Variants in MLIP observed in about 807,000 individuals in gnomAD.
MLIP encodes muscular LMNA-interacting protein.
A neutral mutation model predicts 84.8 loss-of-function variants in MLIP; 79 were observed. That is an observed-to-expected ratio of 0.93 (90% CI 0.78 to 1.12). MLIP has a LOEUF of 1.12. MLIP is among the 50% of genes most tolerant of loss of function. The probability of loss-of-function intolerance (pLI) is 0.00; values close to 1 mark genes in which losing one functional copy is unlikely to be tolerated. For synonymous variants in MLIP, 504 were observed against 463.0 expected, an observed-to-expected ratio of 1.09 and a Z score of -1.14; for missense variants, 1,257 against 1,160.6, an observed-to-expected ratio of 1.08 and a Z score of -1.21.
At chr6:54,144,497 T>C (rs1434960303) in intron 4 of MLIP, among the ~76,000 whole-genome samples, 1 of 152,220 alleles carries the variant, frequency 6.6e-6, no homozygotes, top group Admixed American at 6.5e-5. Flanking sequence ...ATGAAACTGT[T>C]CCACCTCAGA....
At chr6:54,248,532 A>T (rs1782240514) in intron 12 of MLIP, among the ~76,000 whole-genome samples, 1 of 152,178 alleles carries the variant, frequency 6.6e-6, no homozygotes, top group South Asian at 2.1e-4. Flanking sequence ...TAGATGAAAA[A>T]TGTAAGTCAA....
intron 5 of MLIP, among the ~76,000 whole-genome samples, chr6:54,160,098 T>C (rs1416361188): frequency 6.6e-6 from 1 of 151,980 alleles, no homozygotes; most frequent in Non-Finnish European, 1.5e-5. Flanking sequence ...ATTTAATAAA[T>C]GATGTTGAGA....
At chr6:54,230,970 C>T (rs551863115) in intron 12 of MLIP, 53 bp downstream of exon 12, 19 of 1,513,764 alleles carry the variant, frequency 1.3e-5, no homozygotes, top group South Asian at 4.6e-5. Flanking sequence ...ACCTTCATTA[C>T]GCTTGACTTT....
chr6:54,076,319 T>G (rs1008649188), intron 1 of MLIP, among the ~76,000 whole-genome samples: 1 of 152,196 alleles, frequency 6.6e-6, no homozygotes, highest in Admixed American at 6.5e-5. Flanking sequence ...TCATGCTGAT[T>G]GTGCAAACAT....
intron 1 of MLIP, among the ~76,000 whole-genome samples, chr6:54,071,210 T>A (rs1217978358): frequency 6.6e-6 from 1 of 152,124 alleles, no homozygotes; most frequent in African/African-American, 2.4e-5. Context: ...GGTCTTCTAT[T>A]ATGAGGATGC....
At chr6:54,118,975 A>G (rs1236369011) in intron 1 of MLIP, among the ~76,000 whole-genome samples, 1 of 152,206 alleles carries the variant, frequency 6.6e-6, no homozygotes, top group Non-Finnish European at 1.5e-5. Flanking sequence ...CATCAGGAAA[A>G]TGCCAATGAA....
At chr6:54,216,161 T>C (rs1779840692) in intron 11 of MLIP, 1 of 985,338 alleles carries the variant, frequency 1.0e-6, no homozygotes, top group African/African-American at 1.7e-5. Flanking sequence ...CTCTAAAGAC[T>C]TAAATGTTTC....
At chr6:54,237,408 T>A (rs59405976) in intron 12 of MLIP, among the ~76,000 whole-genome samples, 4,163 of 152,150 alleles carry the variant, frequency 0.027, 176 homozygotes, top group African/African-American at 0.092. Flanking sequence ...CAGAGGATGG[T>A]TGCTGCTTAA....
chr6:54,075,957 G>A lies in MLIP; in HGVS notation c.64-45490G>A, dbSNP rs1023056163. Among the ~76,000 whole-genome samples the A allele has an allele frequency of 5.3e-5, 8 of 152,078 alleles. No homozygotes were observed. The East Asian group carries it at 5.8e-4, about 11-fold the overall frequency. ...TTGAATATGTATGTTTCATCATTAC[G>A]GAACCATTTTATTTTCTTTTTATGT... On this transcript the variant is annotated intron_variant, in intron 1 of 12. Coordinates refer to the MLIP transcript ENST00000274897.
intron 1 of MLIP, among the ~76,000 whole-genome samples, chr6:54,027,811 T>C (rs1442340795): frequency 6.6e-6 from 1 of 152,230 alleles, no homozygotes. Flanking sequence ...GCTGATAATG[T>C]AAGTCTGAGA....
At chr6:54,171,161 T>C (rs1255939284) in intron 9 of MLIP, among the ~76,000 whole-genome samples, 1 of 151,558 alleles carries the variant, frequency 6.6e-6, no homozygotes, top group African/African-American at 2.4e-5. Flanking sequence ...GCTTCTTCAA[T>C]CTCCATAGTT....
chr6:54,056,830 A>G (rs1765688418), intron 1 of MLIP, among the ~76,000 whole-genome samples: 1 of 152,232 alleles, frequency 6.6e-6, no homozygotes, highest in Non-Finnish European at 1.5e-5. Context: ...GTAGTTCATA[A>G]TATTAGTTTA....
chr6:54,254,203 T>C (rs1202092539), intron 12 of MLIP, among the ~76,000 whole-genome samples: 2 of 151,206 alleles, frequency 1.3e-5, no homozygotes, highest in Admixed American at 1.3e-4. Context: ...CTTGGCTCAC[T>C]GCAATCTCCA....
chr6:54,146,533 A>G (rs1772857189), intron 4 of MLIP, among the ~76,000 whole-genome samples: 1 of 152,216 alleles, frequency 6.6e-6, no homozygotes, highest in African/African-American at 2.4e-5. Flanking sequence ...GAGATAAGTT[A>G]GCAGGAAGCA....
chr6:54,195,946 G>A (rs969268738), intron 10 of MLIP, among the ~76,000 whole-genome samples: 10 of 152,228 alleles, frequency 6.6e-5, no homozygotes, highest in African/African-American at 2.4e-4. Flanking sequence ...ATCGTGTAAA[G>A]TCCCTAAAGA....
chr6:54,251,983 A>C (rs1430393140), intron 12 of MLIP, among the ~76,000 whole-genome samples: 1 of 88,762 alleles, frequency 1.1e-5, no homozygotes, highest in Non-Finnish European at 1.9e-5. Flanking sequence ...ATAATATATA[A>C]TATAAATATA....
Position 54,138,074 on chromosome 6 carries a change from A to G in MLIP, c.2005A>G (p.Thr669Ala), listed in dbSNP as rs1274177620. The G allele has an allele frequency of 2.6e-6, 4 of 1,535,968 alleles. No homozygotes were observed. The highest frequency in any genetic ancestry group is 1.7e-6 in the Non-Finnish European group (2 of 1,146,856). The change falls in exon 4 of 14, where the codon ACC becomes GCC. Residue 669 changes from threonine (T) to alanine (A), a missense_variant. Coordinates refer to ENST00000502396, the MANE Select transcript of MLIP (RefSeq NM_001281747.2). ...SSSLPHANLP[T>A]LVPQLSPSAL... The stretch of plus-strand genomic sequence containing the variant: ...CTCTCTCCCTCATGCCAATCTGCCC[A>G]CCCTGGTGCCCCAGCTCAGTCCCTC...
In MLIP at chr6:54,219,373, T is replaced by G. The variant is rs1468056452; in HGVS notation, c.2719-11341T>G. On this transcript the variant is annotated intron_variant, in intron 11 of 13. Coordinates refer to ENST00000502396, the MANE Select transcript of MLIP (RefSeq NM_001281747.2). Reference sequence around the variant, plus strand: ...TTTTTTTTTTTTACATTTTAAACTTTTTTTTTTTTTTTTTTCTCAGACACA... The same window carrying G: ...TTTTTTTTTTTTACATTTTAAACTTGTTTTTTTTTTTTTTTCTCAGACACA... Among the ~76,000 whole-genome samples, 6 of 139,510 alleles carry G rather than the reference T, an allele frequency of 4.3e-5. No individual in the cohort carries two copies. In the East Asian group the frequency reaches 1.2e-3, roughly 28 times the overall value. The allele number at this position is 139,510 out of a possible 152,430, so 91.5% of individuals were successfully genotyped here.
intron 1 of MLIP, chr6:54,083,433 G>A: frequency 6.7e-7 from 1 of 1,500,536 alleles, no homozygotes; most frequent in South Asian, 1.3e-5. Context: ...GGCATAATTT[G>A]TACAGTGCTT....
Sources: gnomAD v4.1 joint callset for allele counts (sites outside exome capture counted in the v4.1 genomes callset) on GRCh38, gnomAD v4.1.1 for gene constraint, MANE v1.5 for transcripts, NCBI Gene and HGNC (gene_info 2026-07-23, HGNC 2026-07-21) for gene names.